Variants in EFHC2 observed in about 807,000 individuals in gnomAD.
EFHC2 encodes the protein EF-hand domain-containing family member C2.
EFHC2 carries 18 observed loss-of-function variants against 52.7 expected under a neutral mutation model. The ratio of observed to expected loss-of-function variants is 0.34; its 90% CI spans 0.24 to 0.51. EFHC2 has a LOEUF of 0.51. EFHC2 is among the 20% of genes least tolerant of loss of function. The pLI is 0.97. For synonymous variants in EFHC2, 203 were observed against 204.1 expected (o/e 0.99, Z 0.04); for missense variants, 513 against 562.5 (o/e 0.91, Z 0.89).
intron 11 of EFHC2, 27 bp from the exon 12 acceptor site, chrX:44,178,591 T>C: frequency 9.4e-7 from 1 of 1,069,349 alleles, no homozygotes; most frequent in Non-Finnish European, 1.3e-6. Flanking sequence ...AAAACATTTA[T>C]AAACTGATAT....
intron 8 of EFHC2, among the ~76,000 whole-genome samples, chrX:44,236,489 T>C (rs890924872): frequency 1.8e-5 from 2 of 112,658 alleles, no homozygotes; most frequent in Admixed American, 1.9e-4. Flanking sequence ...GGGTCTCCTA[T>C]ACTGAAAATC....
At chrX:44,190,859 G>A (rs1288592745) in intron 11 of EFHC2, among the ~76,000 whole-genome samples, 1 of 111,389 alleles carries the variant, frequency 9.0e-6, no homozygotes, top group Non-Finnish European at 1.9e-5. Context: ...ACTGAGTGTG[G>A]ATGTGTGAGT....
chrX:44,179,211 G>A (rs895310216), intron 11 of EFHC2, among the ~76,000 whole-genome samples: 2 of 110,401 alleles, frequency 1.8e-5, no homozygotes, highest in African/African-American at 6.6e-5. Flanking sequence ...CAATGAAGAC[G>A]ACTCAAGGCC....
intron 2 of EFHC2, among the ~76,000 whole-genome samples, chrX:44,290,121 G>T (rs903241850): frequency 1.8e-4 from 20 of 112,104 alleles, no homozygotes; most frequent in African/African-American, 6.5e-4. Context: ...TCAATCCTCT[G>T]TCCAACCTGC....
intron 1 of EFHC2, among the ~76,000 whole-genome samples, chrX:44,325,460 G>A (rs1007378851): frequency 3.6e-5 from 4 of 110,932 alleles, no homozygotes; most frequent in Non-Finnish European, 7.5e-5. Flanking sequence ...AAAGGTGGCA[G>A]CCAAATCCAG....
At chrX:44,256,415 G>C (rs1311061873) in intron 4 of EFHC2, among the ~76,000 whole-genome samples, 1 of 111,809 alleles carries the variant, frequency 8.9e-6, no homozygotes, top group Admixed American at 9.4e-5. Context: ...AAGAAAAAAA[G>C]TGAGAAGAAT....
chrX:44,211,806 A>T (rs1403080596), intron 11 of EFHC2, among the ~76,000 whole-genome samples: 11 of 94,952 alleles, frequency 1.2e-4, no homozygotes, highest in Non-Finnish European at 1.8e-4. Context: ...CGGGAGGTGG[A>T]GCTTGCAGTC....
chrX:44,297,067 T>A (rs2037831020), intron 2 of EFHC2, among the ~76,000 whole-genome samples: 1 of 112,199 alleles, frequency 8.9e-6, no homozygotes, highest in African/African-American at 3.2e-5. Flanking sequence ...GTGACTACTA[T>A]GACCTGGGCA....
intron 11 of EFHC2, among the ~76,000 whole-genome samples, chrX:44,182,118 C>T (rs2036840539): frequency 9.0e-6 from 1 of 111,667 alleles, no homozygotes; most frequent in Non-Finnish European, 1.9e-5. Context: ...TACCCAGAAT[C>T]TGCTATCTCT....
At chrX:44,211,108 A>G (rs1430917759) in intron 11 of EFHC2, among the ~76,000 whole-genome samples, 1 of 112,495 alleles carries the variant, frequency 8.9e-6, no homozygotes, top group Non-Finnish European at 1.9e-5. Flanking sequence ...ACAATGAGAT[A>G]CTACTACACA....
chrX:44,178,559 A>G lies in EFHC2; in HGVS notation c.1757T>C (p.Ile586Thr). The G allele has an allele frequency of 8.5e-7, 1 of 1,174,349 alleles. No homozygotes were observed. The highest frequency in any genetic ancestry group is 1.1e-6 in the Non-Finnish European group (1 of 879,227). ...GTTTCCAACAGTCAAAGACATCAAT[A>G]TGTCTCTGTAATAAAAATGGAAAAA... The part of the protein sequence containing the change: ...NMVDYNTFRD[I>T]LMSLTVGNLA... The change falls in exon 12 of 15, where the codon ATA becomes ACA. Residue 586 changes from isoleucine (I) to threonine (T), a missense_variant. Transcript: ENST00000420999.
intron 1 of EFHC2, among the ~76,000 whole-genome samples, chrX:44,320,781 C>T (rs1033312855): frequency 1.0e-4 from 11 of 110,285 alleles, no homozygotes; most frequent in South Asian, 8.2e-4. Flanking sequence ...CTGCAGTCAC[C>T]GAGAGTCCCT....
At chrX:44,333,627 C>T (rs1330513741) in intron 1 of EFHC2, among the ~76,000 whole-genome samples, 1 of 110,668 alleles carries the variant, frequency 9.0e-6, no homozygotes, top group Non-Finnish European at 1.9e-5. Context: ...ACCAGACTCA[C>T]AGGTATTGTC....
rs772753957 is a variant in EFHC2, at chrX:44,313,732, T to C, written c.43-976A>G. On this transcript the variant is annotated intron_variant, in intron 1 of 14. Coordinates refer to ENST00000420999, the MANE Select transcript of EFHC2 (RefSeq NM_025184.4). ...ACTTTGGGAGGCTGAGGCGGGAGGA[T>C]CACCTGAGGTCAAGAGTTCTAGACC... 1.1e-3 allele frequency among the ~76,000 whole-genome samples: 117 copies of C among 110,989 alleles called. 1 individual carries two copies. Among genetic ancestry groups the C allele is most frequent in the Non-Finnish European group, 1.9e-3 (100 of 52,971 alleles).
At chrX:44,160,126 G>T (rs1156855742) in intron 14 of EFHC2, among the ~76,000 whole-genome samples, 1 of 111,863 alleles carries the variant, frequency 8.9e-6, no homozygotes, top group Non-Finnish European at 1.9e-5. Flanking sequence ...CCTCTCAAAA[G>T]CATCTGAGGT....
At position 44,225,118 on chromosome X, in the gene EFHC2, G is replaced by A. The variant is rs143344009; in HGVS notation, c.1751+4531C>T. 3.5e-3 allele frequency among the ~76,000 whole-genome samples: 384 copies of A among 110,728 alleles called. 2 individuals are homozygous for A. The highest frequency in any genetic ancestry group is 0.012 in the African/African-American group (372 of 30,387). On this transcript the variant is annotated intron_variant, in intron 11 of 14. Coordinates refer to ENST00000420999, the MANE Select transcript of EFHC2 (RefSeq NM_025184.4). Reference sequence around the variant, plus strand: ...GGTTATCTGCACTCTCTTGGATAACGATCAGCAGCTCTCACAGGCGAATCT... The same window carrying A: ...GGTTATCTGCACTCTCTTGGATAACAATCAGCAGCTCTCACAGGCGAATCT...
chrX:44,215,014 C>T (rs1172131587), intron 11 of EFHC2, among the ~76,000 whole-genome samples: 2 of 111,152 alleles, frequency 1.8e-5, no homozygotes, highest in Non-Finnish European at 3.8e-5. Context: ...ATCATGGGGG[C>T]AGATTTCCCT....
In EFHC2 at chrX:44,218,279, T is replaced by G. The variant is rs1268815078; in HGVS notation, c.1751+11370A>C. Among the ~76,000 whole-genome samples, 3 of 110,857 alleles carry G rather than the reference T, an allele frequency of 2.7e-5. No individual in the cohort carries two copies. The East Asian group carries it at 8.5e-4, about 31-fold the overall frequency. On this transcript the variant is annotated intron_variant, in intron 11 of 14. Transcript: ENST00000420999. ...GGAAACTATTGAAAACTATAAGATT[T>G]GAGAAAACATAAAAGGCCAGTATTT...
intron 11 of EFHC2, among the ~76,000 whole-genome samples, chrX:44,187,592 G>A (rs2036886722): frequency 9.0e-6 from 1 of 111,421 alleles, no homozygotes; most frequent in Non-Finnish European, 1.9e-5. Context: ...CATTTGACCA[G>A]CTTAGGCAAC....
Sources: gnomAD v4.1 joint callset for allele counts (sites outside exome capture counted in the v4.1 genomes callset) on GRCh38, gnomAD v4.1.1 for gene constraint, MANE v1.5 for transcripts, NCBI Gene and HGNC (gene_info 2026-07-23, HGNC 2026-07-21) for gene names.